The following SKAP2 variants were observed in gnomAD, a reference collection of about 807,000 sequenced individuals.
SKAP2 encodes src kinase-associated phosphoprotein 2.
Under a neutral mutation model 54.9 loss-of-function variants are expected in SKAP2, and 28 were observed. The observed-to-expected ratio is 0.51, with a 90% CI of 0.38 to 0.70. The LOEUF (loss-of-function observed/expected upper bound fraction) is 0.70, where lower values mean the gene tolerates loss of function less well. SKAP2 is among the 30% of genes least tolerant of loss of function. The pLI, the probability that SKAP2 is intolerant of heterozygous loss-of-function variation, is 0.00. For synonymous variants in SKAP2, 137 were observed against 134.3 expected, an observed-to-expected ratio of 1.02 and a Z score of -0.14; for missense variants, 356 against 424.1, an observed-to-expected ratio of 0.84 and a Z score of 1.41.
At chr7:26,757,700 A>G (rs1328695236) in intron 4 of SKAP2, among the ~76,000 whole-genome samples, 1 of 152,114 alleles carries the variant, frequency 6.6e-6, no homozygotes, top group East Asian at 1.9e-4. Context: ...GTTTTTTCCA[A>G]TTCTGTGAAG....
At chr7:26,743,442 C>A (rs1584363501) in intron 4 of SKAP2, among the ~76,000 whole-genome samples, 1 of 152,224 alleles carries the variant, frequency 6.6e-6, no homozygotes, top group East Asian at 1.9e-4. Context: ...ATTGTAGCTA[C>A]TTCTAAAGCA....
At chr7:26,753,752 T>C (rs537899402) in intron 4 of SKAP2, among the ~76,000 whole-genome samples, 1 of 152,278 alleles carries the variant, frequency 6.6e-6, no homozygotes, top group African/African-American at 2.4e-5. Context: ...GGCACTGTGA[T>C]GGAGCAAGAG....
chr7:26,844,374 T>A (rs570132784), intron 3 of SKAP2, among the ~76,000 whole-genome samples: 4 of 152,126 alleles, frequency 2.6e-5, no homozygotes, highest in African/African-American at 9.7e-5. Flanking sequence ...TACAATTGCT[T>A]ATTTATGACA....
At chr7:26,675,284 T>C (rs1457137631) in intron 11 of SKAP2, among the ~76,000 whole-genome samples, 1 of 152,228 alleles carries the variant, frequency 6.6e-6, no homozygotes, top group Non-Finnish European at 1.5e-5. Context: ...CCTGCCGCAC[T>C]ACACTCATTC....
At chr7:26,725,702 T>A in intron 8 of SKAP2, 137 bp from the exon 9 acceptor site, 1 of 996,794 alleles carries the variant, frequency 1.0e-6, no homozygotes, top group Admixed American at 3.0e-5. Context: ...AAAACATGTT[T>A]AAAAATTGTT....
rs569290308 is a variant in SKAP2 at position 26,708,930 on chromosome 7, C to T, written c.796+16498G>A. On this transcript the variant is annotated intron_variant, in intron 9 of 12. Coordinates refer to ENST00000345317, the MANE Select transcript of SKAP2 (RefSeq NM_003930.5). ...ATAAAAATTGGGTGTTTTCTTTTTG[C>T]TTTTCTCATTTCATGTTTCATTTTC... Among the ~76,000 whole-genome samples the T allele has an allele frequency of 7.9e-5, 12 of 152,184 alleles. No individual in the cohort carries two copies. The South Asian group carries it at 2.3e-3, about 29-fold the overall frequency.
chr7:26,832,606 G>T (rs1395354243), intron 4 of SKAP2, among the ~76,000 whole-genome samples: 2 of 152,022 alleles, frequency 1.3e-5, no homozygotes, highest in Non-Finnish European at 2.9e-5. Context: ...TTGAGCCTAG[G>T]AGTTCAAGGC....
At chr7:26,660,051 GA>G in the SKAP2 span, among the ~76,000 whole-genome samples, 1 of 151,958 alleles carries the variant, frequency 6.6e-6, no homozygotes, top group African/African-American at 2.4e-5. Flanking sequence ...TTTTTTAAGA[GA>G]AAAAACTCAT....
At chr7:26,702,984 A>G (rs1787072789) in intron 9 of SKAP2, among the ~76,000 whole-genome samples, 1 of 152,242 alleles carries the variant, frequency 6.6e-6, no homozygotes, top group Non-Finnish European at 1.5e-5. Context: ...TTTAAAACCC[A>G]GATTGCTGTG....
At chr7:26,804,287 T>A (rs1463489862) in intron 4 of SKAP2, among the ~76,000 whole-genome samples, 2 of 152,094 alleles carry the variant, frequency 1.3e-5, no homozygotes, top group Admixed American at 6.5e-5. Context: ...TTTAAAAAAA[T>A]TTTAAAAAGA....
intron 4 of SKAP2, among the ~76,000 whole-genome samples, chr7:26,817,511 T>C (rs910840348): frequency 3.9e-5 from 6 of 152,160 alleles, no homozygotes; most frequent in African/African-American, 1.4e-4. Context: ...CTATGTCTCA[T>C]GCATTTTTAC....
chr7:26,671,447 T>G (rs963773858), intron 11 of SKAP2, among the ~76,000 whole-genome samples: 2 of 152,038 alleles, frequency 1.3e-5, no homozygotes, highest in Non-Finnish European at 2.9e-5. Context: ...GAAAGGAAAA[T>G]TATGCAATTC....
chr7:26,760,830 G>C (rs925890259), intron 4 of SKAP2, among the ~76,000 whole-genome samples: 1 of 151,990 alleles, frequency 6.6e-6, no homozygotes, highest in South Asian at 2.1e-4. Context: ...CCAAAGGAAG[G>C]CCAAAAAGAA....
chr7:26,805,608 C>G (rs1375510651), intron 4 of SKAP2, among the ~76,000 whole-genome samples: 1 of 152,170 alleles, frequency 6.6e-6, no homozygotes, highest in Non-Finnish European at 1.5e-5. Context: ...GAAAAGGGAC[C>G]AAGGCCTCCT....
chr7:26,722,543 C>T (rs1472463211), intron 9 of SKAP2, among the ~76,000 whole-genome samples: 2 of 151,964 alleles, frequency 1.3e-5, no homozygotes, highest in East Asian at 1.9e-4. Context: ...AGGCACCTGC[C>T]ACCATGCCCG....
At chr7:26,849,678 C>T (rs2127997384) in intron 3 of SKAP2, among the ~76,000 whole-genome samples, 1 of 130,738 alleles carries the variant, frequency 7.6e-6, no homozygotes, top group South Asian at 2.6e-4. Flanking sequence ...CAGAGTGAGA[C>T]TCCATCTCAA....
intron 4 of SKAP2, among the ~76,000 whole-genome samples, chr7:26,775,699 C>T (rs1404115562): frequency 1.3e-5 from 2 of 152,104 alleles, no homozygotes; most frequent in African/African-American, 4.8e-5. Context: ...CCCACGCCCC[C>T]TTCCCTAAAT....
At chr7:26,741,354 C>T (rs536863612) in intron 4 of SKAP2, among the ~76,000 whole-genome samples, 52 of 151,648 alleles carry the variant, frequency 3.4e-4, no homozygotes, top group African/African-American at 1.1e-3. Context: ...CCCATCTCTA[C>T]GAAAAATTTA....
At chr7:26,742,999 T>G (rs1480559421) in intron 4 of SKAP2, among the ~76,000 whole-genome samples, 1 of 152,158 alleles carries the variant, frequency 6.6e-6, no homozygotes. Context: ...GAAACAAGAC[T>G]ATAAAAATAC....
Sources: gnomAD v4.1 joint callset for allele counts (sites outside exome capture counted in the v4.1 genomes callset) on GRCh38, gnomAD v4.1.1 for gene constraint, MANE v1.5 for transcripts, NCBI Gene and HGNC (gene_info 2026-07-23, HGNC 2026-07-21) for gene names.